HIRIP3: variants seen among roughly 807,000 people sequenced by gnomAD.
HIRIP3 encodes HIRA interacting protein 3, also known as HIRA-interacting protein 3.
A neutral mutation model predicts 50.3 loss-of-function variants in HIRIP3; 40 were observed. The ratio of observed to expected loss-of-function variants is 0.79; its 90% CI spans 0.62 to 1.03. HIRIP3 has a LOEUF of 1.03. Ranked by LOEUF, HIRIP3 falls within the 50% of genes least tolerant of loss-of-function variation. The probability of loss-of-function intolerance (pLI) is 0.00; values close to 1 mark genes in which losing one functional copy is unlikely to be tolerated. For missense variants in HIRIP3, 765 were observed against 705.4 expected, an observed-to-expected ratio of 1.08 and a Z score of -0.96; for synonymous variants, 318 against 261.6, an observed-to-expected ratio of 1.22 and a Z score of -2.08.
chr16:29,994,175 T>G lies in HIRIP3; in HGVS notation c.970A>C (p.Lys324Gln), dbSNP rs763570144. 1.9e-6 allele frequency: 3 copies of G among 1,614,162 alleles called. No homozygotes were observed. The highest frequency in any genetic ancestry group is 2.5e-6 in the Non-Finnish European group (3 of 1,180,018). ...QRKSEDRTQLKGGKRLSGSSE... is the reference protein window; with the variant it reads ...QRKSEDRTQLQGGKRLSGSSE... Reference sequence around the variant, plus strand: ...CTTCCACTCAACCTCTTCCCACCCTTAAGCTGGGTCCTGTCCTCACTCTTC... The same window carrying G: ...CTTCCACTCAACCTCTTCCCACCCTGAAGCTGGGTCCTGTCCTCACTCTTC... Residue 324 changes from lysine to glutamine, a missense_variant, in exon 4 of 7, where the codon AAG becomes CAG. Physicochemically the swap from Lys to Gln is moderately conservative, Grantham distance 53 (BLOSUM62 1). Coordinates refer to ENST00000279392, the MANE Select transcript of HIRIP3 (RefSeq NM_003609.5).
At chr16:29,995,917 C>T (rs1253405950), upstream of HIRIP3, 3 of 571,642 alleles carry the variant, frequency 5.2e-6, no homozygotes, top group East Asian at 8.9e-5. Flanking sequence ...TCTCACTGGT[C>T]ACGGGCAACA....
In HIRIP3 at chr16:29,993,820, A is replaced by G. The variant is rs377447965; in HGVS notation, c.1240-12T>C. On this transcript the variant is annotated splice_polypyrimidine_tract_variant and intron_variant, in intron 4 of 6. Transcript: ENST00000279392. ...CGACCTGAGCCAGCCTAGCAAGGAAAGAGCAGCTGAAGGCCAAGCCTGCTG... is the reference window on the plus strand; with the variant it reads ...CGACCTGAGCCAGCCTAGCAAGGAAGGAGCAGCTGAAGGCCAAGCCTGCTG... 6.2e-7 allele frequency: 1 copy of G among 1,613,678 alleles called. No individual in the cohort carries two copies. Among genetic ancestry groups the G allele is most frequent in the African/African-American group, 1.3e-5 (1 of 74,942 alleles).
Position 29,993,220 on chromosome 16 carries a change from C to T in HIRIP3, c.1658G>A (p.Gly553Asp). 1.3e-6 allele frequency: 2 copies of T among 1,592,682 alleles called. No individual in the cohort carries two copies. The highest frequency in any genetic ancestry group is 1.1e-5 in the South Asian group (1 of 88,162). ...SHMRGIISSDGESN is the reference protein window; with the variant it reads ...SHMRGIISSDDESN ...GGGTGGCAGAGCTCAGTTACTCTCG[C>T]CATCACTGCTGATGATGCCACGCAT... The change falls in exon 7 of 7, where the codon GGC becomes GAC. Residue 553 changes from glycine to aspartate, a missense_variant. Gly to Asp is a moderately conservative substitution (Grantham distance 94). Transcript: ENST00000279392.
At chr16:29,994,936 G>T in intron 3 of HIRIP3, 93 bp from the exon 4 acceptor site, 1 of 1,500,542 alleles carries the variant, frequency 6.7e-7, no homozygotes, top group Non-Finnish European at 9.0e-7. Flanking sequence ...TGCCCTGACA[G>T]TTGGAGGGGC....
At chr16:29,995,995 G>A (rs2150917556), upstream of HIRIP3, 4 of 568,414 alleles carry the variant, frequency 7.0e-6, no homozygotes, top group East Asian at 1.2e-4. Flanking sequence ...AGGAACCTCG[G>A]GGATAAATCC....
upstream of HIRIP3, chr16:29,995,869 C>A (rs2070088807): frequency 1.7e-6 from 1 of 589,860 alleles, no homozygotes; most frequent in African/African-American, 1.9e-5. Context: ...GCGCCGGCAC[C>A]CTTTGGGTGA....
rs1567260304 is a variant in HIRIP3 at position 29,994,607 on chromosome 16, GCTT to G, written c.535_537del (p.Lys179del). On this transcript the variant is annotated inframe_deletion, in exon 4 of 7. Transcript: ENST00000279392. ...CTGACTGAGGCCTTGCCTGGTGCCT[GCTT>G]CTTTACCACAGGTTTCTTCCTAGTC... 6.2e-7 allele frequency: 1 copy of G among 1,614,096 alleles called. No homozygotes were observed. Among genetic ancestry groups the G allele is most frequent in the Non-Finnish European group, 8.5e-7 (1 of 1,180,010 alleles).
At chr16:29,995,626 C>T, upstream of HIRIP3, 1 of 1,611,264 alleles carries the variant, frequency 6.2e-7, no homozygotes. Context: ...CCGGGATTGA[C>T]GGCTCCCGCC....
In HIRIP3 at chr16:29,995,396, C is replaced by T. The variant is rs745951353; in HGVS notation, c.133G>A (p.Glu45Lys). ...AGCCGCTTCAGTGCCTGCTTCTCCTCGGGCTCCAGGTGGCTGCGGCCCGAG... is the reference window on the plus strand; with the variant it reads ...AGCCGCTTCAGTGCCTGCTTCTCCTTGGGCTCCAGGTGGCTGCGGCCCGAG... ...AHSGRSHLEP[E>K]EKQALKRLVE... is the part of the protein sequence containing the mutation. The change falls in exon 2 of 7, where the codon GAG becomes AAG. Residue 45 changes from glutamate to lysine, a missense_variant. Glu to Lys is a moderately conservative substitution (Grantham distance 56, BLOSUM62 1). Coordinates refer to ENST00000279392, the MANE Select transcript of HIRIP3 (RefSeq NM_003609.5). The T allele has an allele frequency of 9.9e-6, 16 of 1,613,448 alleles. No individual in the cohort carries two copies. Among genetic ancestry groups the T allele is most frequent in the Non-Finnish European group, 1.4e-5 (16 of 1,179,854 alleles).
intron 2 of HIRIP3, 54 bp downstream of exon 2, chr16:29,995,289 T>A: frequency 6.2e-7 from 1 of 1,610,040 alleles, no homozygotes; most frequent in Non-Finnish European, 8.5e-7. Context: ...CCCCTCCTCC[T>A]CAGCAGCAAG....
chr16:29,995,718 CG>C, upstream of HIRIP3: 2 of 1,379,538 alleles, frequency 1.4e-6, no homozygotes, highest in Non-Finnish European at 2.0e-6. Context: ...GGCGAGGGAC[CG>C]TTGGCCCTTG....
rs978966585 is a variant in HIRIP3, at chr16:29,993,730, G to T, written c.1318C>A (p.Arg440=). Residue 440 remains arginine (R), a synonymous_variant, in exon 5 of 7, where the codon CGA becomes AGA. Coordinates refer to ENST00000279392, the MANE Select transcript of HIRIP3 (RefSeq NM_003609.5). ...KRYIRACGAH[R]NYKKLLGSCC... ...GAGCCCAACAGCTTCTTGTAGTTTC[G>T]ATGGGCACCACAGGCCCGAATGTAG... 1 of 1,609,136 alleles carries T rather than the reference G, an allele frequency of 6.2e-7. No individual in the cohort carries two copies. Among genetic ancestry groups the T allele is most frequent in the South Asian group, 1.1e-5 (1 of 91,088 alleles).
In HIRIP3 at chr16:29,994,194, A is replaced by G. The variant is rs759705965; in HGVS notation, c.951T>C (p.Ser317=). The change falls in exon 4 of 7, where the codon AGT becomes AGC. Residue 317 remains serine (S), a synonymous_variant. Coordinates refer to ENST00000279392, the MANE Select transcript of HIRIP3 (RefSeq NM_003609.5). ...RDREPPVQRK[S]EDRTQLKGGK... The stretch of plus-strand genomic sequence containing the variant: ...CACCCTTAAGCTGGGTCCTGTCCTC[A>G]CTCTTCCTCTGCACTGGGGGTTCTC... The G allele has an allele frequency of 1.2e-5, 19 of 1,611,298 alleles. No homozygotes were observed. Among genetic ancestry groups the G allele is most frequent in the Non-Finnish European group, 1.6e-5 (19 of 1,179,192 alleles).
chr16:29,992,976 A>G lies in HIRIP3; in HGVS notation c.*231T>C, dbSNP rs2070003801. 2.6e-6 allele frequency: 1 copy of G among 384,742 alleles called. No homozygotes were observed. Among genetic ancestry groups the G allele is most frequent in the African/African-American group, 2.1e-5 (1 of 48,148 alleles). The allele number at this position is 384,742 out of a possible 1,614,324, so 23.8% of individuals were successfully genotyped here. A position where few individuals can be genotyped will look rare whatever the true frequency, so the allele number is the denominator to read the frequency against. On this transcript the variant is annotated 3_prime_UTR_variant, in exon 7 of 7. Coordinates refer to ENST00000279392, the MANE Select transcript of HIRIP3 (RefSeq NM_003609.5). Reference sequence around the variant, plus strand: ...CCTGGCCCAAAATACAGGAGGTGAGAATGGGGGACCAAATTTGATGAGGTG... The same window carrying G: ...CCTGGCCCAAAATACAGGAGGTGAGGATGGGGGACCAAATTTGATGAGGTG...
Position 29,992,453 on chromosome 16 carries a change from TTTTC to T in HIRIP3, c.*750_*753del, listed in dbSNP as rs1435489047. 1.3e-5 allele frequency: 2 copies of T among 152,200 alleles called. No homozygotes were observed. The allele number at this position is 152,200 out of a possible 1,614,324, so 9.4% of individuals were successfully genotyped here. A position where few individuals can be genotyped will look rare whatever the true frequency, so the allele number is the denominator to read the frequency against. ...CTTCAACCCCTTGACCTCTAATTCG[TTTTC>T]TTTGCTTTGACTTCAAAGATTCTTA... On this transcript the variant is annotated 3_prime_UTR_variant, in exon 7 of 7. Coordinates refer to ENST00000279392, the MANE Select transcript of HIRIP3 (RefSeq NM_003609.5).
Position 29,995,367 on chromosome 16 carries a change from C to G in HIRIP3, c.162G>C (p.Val54=). 1 of 1,612,592 alleles carries G rather than the reference C, an allele frequency of 6.2e-7. No homozygotes were observed. The highest frequency in any genetic ancestry group is 1.7e-5 in the Admixed American group (1 of 59,976). The change falls in exon 2 of 7, where the codon GTG becomes GTC. Residue 54 remains valine (V), a synonymous_variant. Coordinates refer to ENST00000279392, the MANE Select transcript of HIRIP3 (RefSeq NM_003609.5). ...CCTGCATCTTCAGCAGCTCCTCCTCCACCAGCCGCTTCAGTGCCTGCTTCT... is the reference window on the plus strand; with the variant it reads ...CCTGCATCTTCAGCAGCTCCTCCTCGACCAGCCGCTTCAGTGCCTGCTTCT... ...PEEKQALKRL[V]EEELLKMQVD...
chr16:29,993,416 A>G, intron 6 of HIRIP3, 43 bp downstream of exon 6: 2 of 1,589,740 alleles, frequency 1.3e-6, no homozygotes, highest in African/African-American at 1.3e-5. Flanking sequence ...AGAAGGTCCA[A>G]CCCCACCTAT....
Position 29,994,040 on chromosome 16 carries a change from C to A in HIRIP3, c.1105G>T (p.Val369Leu). The change falls in exon 4 of 7, where the codon GTA becomes TTA. Residue 369 changes from valine (V) to leucine (L), a missense_variant. Val to Leu is a conservative substitution (Grantham distance 32, BLOSUM62 1). Coordinates refer to ENST00000279392, the MANE Select transcript of HIRIP3 (RefSeq NM_003609.5). The part of the protein sequence containing the change: ...SGEESDLERE[V>L]SDSEAGGGPQ... ...CCTCCCCCTGCCTCGCTGTCACTTA[C>A]CTCCCTCTCCAAGTCACTTTCCTCA... 2 of 1,611,382 alleles carry A rather than the reference C, an allele frequency of 1.2e-6. No homozygotes were observed. Among genetic ancestry groups the A allele is most frequent in the South Asian group, 1.1e-5 (1 of 90,714 alleles).
At position 29,995,411 on chromosome 16, in the gene HIRIP3, T is replaced by C. The variant is rs1379205089; in HGVS notation, c.118A>G (p.Ser40Gly). 6.2e-7 allele frequency: 1 copy of C among 1,613,716 alleles called. No homozygotes were observed. Among genetic ancestry groups the C allele is most frequent in the South Asian group, 1.1e-5 (1 of 91,066 alleles). The change falls in exon 2 of 7, where the codon AGC becomes GGC. Residue 40 changes from serine (S) to glycine (G), a missense_variant. Coordinates refer to ENST00000279392, the MANE Select transcript of HIRIP3 (RefSeq NM_003609.5). Reference protein sequence around the residue: ...RRRYLAHSGRSHLEPEEKQAL... With the variant: ...RRRYLAHSGRGHLEPEEKQAL... ...TGCTTCTCCTCGGGCTCCAGGTGGC[T>C]GCGGCCCGAGTGAGCTAAGTACCTC...
Sources: gnomAD v4.1 joint callset for allele counts on GRCh38, gnomAD v4.1.1 for gene constraint, MANE v1.5 for transcripts, NCBI Gene and HGNC (gene_info 2026-07-23, HGNC 2026-07-21) for gene names.